PIBF1: variants seen among roughly 807,000 people sequenced by gnomAD.
PIBF1 encodes progesterone immunomodulatory binding factor 1.
PIBF1 carries 90 observed loss-of-function variants against 112.5 expected under a neutral mutation model. That is an observed-to-expected ratio of 0.80 (90% confidence interval 0.67 to 0.95). The LOEUF (loss-of-function observed/expected upper bound fraction) is 0.95. Ranked by LOEUF, PIBF1 falls within the 40% of genes least tolerant of loss-of-function variation. The probability of loss-of-function intolerance (pLI) is 0.00; values close to 1 mark genes in which losing one functional copy is unlikely to be tolerated. For missense variants in PIBF1, 915 were observed against 852.3 expected, an observed-to-expected ratio of 1.07 and a Z score of -0.92; for synonymous variants, 301 against 288.6, an observed-to-expected ratio of 1.04 and a Z score of -0.44.
chr13:72,878,615 A>C (rs997992705), intron 10 of PIBF1, among the ~76,000 whole-genome samples: 2 of 152,174 alleles, frequency 1.3e-5, no homozygotes, highest in African/African-American at 4.8e-5. Flanking sequence ...GTATTCTGCT[A>C]TTGTTGATAA....
At chr13:72,865,004 C>A (rs939331497) in intron 10 of PIBF1, among the ~76,000 whole-genome samples, 1 of 152,004 alleles carries the variant, frequency 6.6e-6, no homozygotes, top group Non-Finnish European at 1.5e-5. Flanking sequence ...ATGAAAAGTT[C>A]TTTCAGTAAA....
At chr13:72,868,567 A>G (rs1160900473) in intron 10 of PIBF1, among the ~76,000 whole-genome samples, 3 of 152,224 alleles carry the variant, frequency 2.0e-5, no homozygotes, top group South Asian at 2.1e-4. Context: ...GTAACAAAAC[A>G]TGTCTATTCT....
intron 17 of PIBF1, among the ~76,000 whole-genome samples, chr13:73,004,953 G>A (rs2043986143): frequency 6.6e-6 from 1 of 152,234 alleles, no homozygotes; most frequent in African/African-American, 2.4e-5. Context: ...GGGAGGCCAA[G>A]GTGTGGGGAT....
intron 8 of PIBF1, among the ~76,000 whole-genome samples, chr13:72,830,563 T>G (rs1345447144): frequency 6.6e-6 from 1 of 152,204 alleles, no homozygotes; most frequent in African/African-American, 2.4e-5. Flanking sequence ...TCTGTTTATG[T>G]GATGGATTAC....
intron 16 of PIBF1, among the ~76,000 whole-genome samples, chr13:72,980,109 G>A (rs1321470560): frequency 6.6e-6 from 1 of 152,106 alleles, no homozygotes; most frequent in Non-Finnish European, 1.5e-5. Flanking sequence ...AAATATCTAA[G>A]TGGATATATA....
intron 14 of PIBF1, among the ~76,000 whole-genome samples, chr13:72,955,363 A>ATGTGTGTGTTTGTGTGTG (rs2042415309): frequency 6.7e-6 from 1 of 148,494 alleles, no homozygotes; most frequent in African/African-American, 2.5e-5. Flanking sequence ...GGTCATATAA[A>ATGTGTGTGTTTGTGTGTG]TGTGTGTGTT....
At chr13:72,813,938 T>C (rs1474599254) in intron 5 of PIBF1, among the ~76,000 whole-genome samples, 15 of 152,092 alleles carry the variant, frequency 9.9e-5, no homozygotes, top group African/African-American at 7.2e-5. Flanking sequence ...GCAGAACAGA[T>C]TGTCGGCAGA....
intron 5 of PIBF1, among the ~76,000 whole-genome samples, chr13:72,801,939 A>C (rs773465258): frequency 2.0e-5 from 3 of 152,222 alleles, no homozygotes; most frequent in Non-Finnish European, 2.9e-5. Flanking sequence ...TTGTAAACAA[A>C]TTATGTAAAA....
intron 9 of PIBF1, among the ~76,000 whole-genome samples, chr13:72,847,440 G>C (rs1052251434): frequency 6.6e-6 from 1 of 152,152 alleles, no homozygotes; most frequent in Non-Finnish European, 1.5e-5. Context: ...ATGGCATAAG[G>C]CAAGAAGGTA....
intron 14 of PIBF1, among the ~76,000 whole-genome samples, chr13:72,955,478 A>G (rs1050040549): frequency 6.6e-6 from 1 of 152,134 alleles, no homozygotes; most frequent in African/African-American, 2.4e-5. Flanking sequence ...TTCTGTTTAT[A>G]CGTCAAACAA....
At chr13:72,971,768 A>G (rs1233351100) in intron 15 of PIBF1, among the ~76,000 whole-genome samples, 3 of 152,098 alleles carry the variant, frequency 2.0e-5, no homozygotes, top group South Asian at 2.1e-4. Flanking sequence ...TTTACAGCAC[A>G]CATTTGAGTC....
intron 14 of PIBF1, among the ~76,000 whole-genome samples, chr13:72,931,717 C>CGT (rs1555317829): frequency 4.9e-4 from 12 of 24,422 alleles, no homozygotes; most frequent in Non-Finnish European, 7.8e-4. Flanking sequence ...ATTTAAACTA[C>CGT]GTATATATAT....
At chr13:72,904,322 T>A (rs1192887390) in intron 11 of PIBF1, among the ~76,000 whole-genome samples, 1 of 151,684 alleles carries the variant, frequency 6.6e-6, no homozygotes, top group Non-Finnish European at 1.5e-5. Context: ...CCCCAAATTA[T>A]AATGCAATTC....
intron 5 of PIBF1, among the ~76,000 whole-genome samples, chr13:72,799,857 T>A (rs2035385964): frequency 6.6e-6 from 1 of 152,192 alleles, no homozygotes; most frequent in Non-Finnish European, 1.5e-5. Flanking sequence ...CCACCCTTTT[T>A]AAAATAACCT....
intron 9 of PIBF1, among the ~76,000 whole-genome samples, chr13:72,841,157 G>A (rs1348491285): frequency 1.3e-5 from 2 of 152,122 alleles, no homozygotes; most frequent in African/African-American, 4.8e-5. Flanking sequence ...TGTATGCTTT[G>A]GTCCAGTTTG....
intron 2 of PIBF1, among the ~76,000 whole-genome samples, chr13:72,785,850 T>C (rs80144166): frequency 6.6e-6 from 1 of 152,340 alleles, no homozygotes; most frequent in Non-Finnish European, 1.5e-5. Flanking sequence ...TCTTGTATTA[T>C]TTGTTTTCAA....
chr13:72,855,696 A>T lies in PIBF1; in HGVS notation c.1322+1541A>T, dbSNP rs1005669346. Reference sequence around the variant, plus strand: ...CTAAAAAAAATAAAGATCATGGTGTAAAAGATCATGGTATGTAAATCAGCT... The same window carrying T: ...CTAAAAAAAATAAAGATCATGGTGTTAAAGATCATGGTATGTAAATCAGCT... On this transcript the variant is annotated intron_variant, in intron 10 of 17. Transcript: ENST00000326291. Among the ~76,000 whole-genome samples the T allele has an allele frequency of 2.6e-5, 4 of 152,158 alleles. No individual in the cohort carries two copies. The South Asian group carries it at 8.3e-4, about 32-fold the overall frequency.
intron 10 of PIBF1, among the ~76,000 whole-genome samples, chr13:72,856,163 G>C (rs1436603864): frequency 6.6e-6 from 1 of 152,092 alleles, no homozygotes; most frequent in South Asian, 2.1e-4. Flanking sequence ...AAACAATAGA[G>C]GATTCAATTA....
intron 10 of PIBF1, among the ~76,000 whole-genome samples, chr13:72,859,885 C>A (rs1170029699): frequency 6.6e-6 from 1 of 152,104 alleles, no homozygotes; most frequent in African/African-American, 2.4e-5. Context: ...CAAAAAGATT[C>A]AAAAGTGCCC....
Sources: allele counts gnomAD v4.1 joint callset (sites outside exome capture counted in the v4.1 genomes callset), GRCh38; gene constraint gnomAD v4.1.1; transcripts MANE v1.5; gene names NCBI Gene and HGNC (gene_info 2026-07-23, HGNC 2026-07-21).